ADAMTSL1: variants seen among roughly 807,000 people sequenced by gnomAD.
ADAMTSL1 encodes the protein ADAMTS like 1.
Under a neutral mutation model 201.8 loss-of-function variants are expected in ADAMTSL1, and 126 were observed. The observed-to-expected ratio is 0.62, with a 90% CI of 0.54 to 0.72. The LOEUF is 0.72. Ranked by LOEUF, ADAMTSL1 falls within the 30% of genes least tolerant of loss-of-function variation. The pLI is 0.00. For missense variants in ADAMTSL1, 2,679 were observed against 2,277.8 expected (o/e 1.18, Z -3.59); for synonymous variants, 1,121 against 903.4 (o/e 1.24, Z -4.32).
intron 20 of ADAMTSL1, among the ~76,000 whole-genome samples, chr9:18,798,093 A>AC (rs1822545123): frequency 7.5e-6 from 1 of 133,170 alleles, no homozygotes. Context: ...TAGGCCAAAG[A>AC]GGAAAAAAAA....
At chr9:17,921,576 T>C (rs1239753738) in intron 1 of ADAMTSL1, among the ~76,000 whole-genome samples, 1 of 152,200 alleles carries the variant, frequency 6.6e-6, no homozygotes, top group Non-Finnish European at 1.5e-5. Flanking sequence ...TTTTCTATCC[T>C]GATCCAGTTC....
intron 2 of ADAMTSL1, among the ~76,000 whole-genome samples, chr9:18,321,870 C>T (rs989181399): frequency 6.6e-6 from 1 of 152,050 alleles, no homozygotes; most frequent in Admixed American, 6.6e-5. Flanking sequence ...GAGTATTTAC[C>T]AATGCATCAT....
chr9:18,834,242 A>G (rs1392527816), intron 23 of ADAMTSL1, among the ~76,000 whole-genome samples: 1 of 152,184 alleles, frequency 6.6e-6, no homozygotes, highest in Admixed American at 6.5e-5. Context: ...TGATAGTTTA[A>G]TAGGAATAAC....
At chr9:18,801,129 C>A (rs1251156583) in intron 20 of ADAMTSL1, among the ~76,000 whole-genome samples, 1 of 152,116 alleles carries the variant, frequency 6.6e-6, no homozygotes, top group Non-Finnish European at 1.5e-5. Context: ...ATGCTGAAGG[C>A]GTGCCAACTA....
intron 4 of ADAMTSL1, among the ~76,000 whole-genome samples, chr9:18,586,371 A>T (rs753432981): frequency 1.3e-5 from 2 of 152,136 alleles, no homozygotes; most frequent in Non-Finnish European, 2.9e-5. Flanking sequence ...ATCTAAGAAT[A>T]CAGCTAATCA....
At chr9:18,512,167 T>C (rs956177774) in intron 2 of ADAMTSL1, among the ~76,000 whole-genome samples, 4 of 152,184 alleles carry the variant, frequency 2.6e-5, no homozygotes, top group South Asian at 4.2e-4. Flanking sequence ...TCCTTTTACT[T>C]TTTGGGTTAA....
intron 14 of ADAMTSL1, among the ~76,000 whole-genome samples, chr9:18,712,661 T>C (rs1221568157): frequency 3.3e-5 from 5 of 150,630 alleles, no homozygotes; most frequent in South Asian, 2.1e-4. Context: ...TGGAACCAAG[T>C]TGGAAAACAC....
chr9:18,823,461 G>C (rs1419481498), intron 21 of ADAMTSL1, among the ~76,000 whole-genome samples: 1 of 152,176 alleles, frequency 6.6e-6, no homozygotes, highest in African/African-American at 2.4e-5. Flanking sequence ...AATGGAAGAA[G>C]CTTGCAAGCC....
Position 18,573,887 on chromosome 9 carries a change from A to C in ADAMTSL1, c.238-143A>C, listed in dbSNP as rs1822511250. On this transcript the variant is annotated intron_variant, in intron 3 of 28. Coordinates refer to ENST00000380548, the MANE Select transcript of ADAMTSL1 (RefSeq NM_001040272.6). ...AAGCCAAATAATCATATAACCTCTAAGATGATATTATAAGTTCCATCTATC... is the reference window on the plus strand; with the variant it reads ...AAGCCAAATAATCATATAACCTCTACGATGATATTATAAGTTCCATCTATC... 2.0e-5 allele frequency: 13 copies of C among 649,398 alleles called. No homozygotes were observed. In the East Asian group the frequency reaches 3.3e-4, roughly 16 times the overall value. 40.2% of individuals were successfully genotyped at this position (649,398 alleles called of 1,614,324 possible).
At chr9:17,979,622 G>T (rs1211531366) in intron 1 of ADAMTSL1, among the ~76,000 whole-genome samples, 1 of 151,606 alleles carries the variant, frequency 6.6e-6, no homozygotes, top group Non-Finnish European at 1.5e-5. Context: ...GAATTCTTAG[G>T]AGCTTTTGTA....
chr9:18,227,390 A>G (rs1463082486), intron 2 of ADAMTSL1, among the ~76,000 whole-genome samples: 1 of 152,182 alleles, frequency 6.6e-6, no homozygotes, highest in African/African-American at 2.4e-5. Context: ...TTAGACTATC[A>G]TGTGATAATG....
intron 4 of ADAMTSL1, among the ~76,000 whole-genome samples, chr9:18,580,883 C>A (rs1823050204): frequency 6.6e-6 from 1 of 152,020 alleles, no homozygotes; most frequent in South Asian, 2.1e-4. Flanking sequence ...ACTATACTGC[C>A]CTCACTGTAA....
At chr9:18,284,178 G>A (rs916729511) in intron 2 of ADAMTSL1, among the ~76,000 whole-genome samples, 1 of 151,620 alleles carries the variant, frequency 6.6e-6, no homozygotes, top group Non-Finnish European at 1.5e-5. Context: ...GCAGTGAGCC[G>A]AGGTCACACC....
At position 18,817,133 on chromosome 9, in the gene ADAMTSL1, G is replaced by T. The variant is rs570893519; in HGVS notation, c.3830G>T (p.Arg1277Leu). ...GGAAAGCCACTAGTGAAAACGTCAC[G>T]AATGACAGTGATCAACACGGAGAAG... ...LAGKPLVKTS[R>L]MTVINTEKPA... The change falls in exon 21 of 29, where the codon CGA (arginine) becomes CTA (leucine). Residue 1277 changes from arginine to leucine, a missense_variant. Arg to Leu is a moderately radical substitution (Grantham distance 102). Coordinates refer to ENST00000380548, the MANE Select transcript of ADAMTSL1 (RefSeq NM_001040272.6). The T allele has an allele frequency of 6.2e-7, 1 of 1,606,034 alleles. No individual in the cohort carries two copies. Among genetic ancestry groups the T allele is most frequent in the Non-Finnish European group, 8.5e-7 (1 of 1,176,342 alleles).
At chr9:18,609,933 G>A (rs572404436) in intron 4 of ADAMTSL1, among the ~76,000 whole-genome samples, 21 of 152,264 alleles carry the variant, frequency 1.4e-4, no homozygotes, top group African/African-American at 4.8e-4. Flanking sequence ...AACTGAACTC[G>A]TACTGAGAGT....
intron 2 of ADAMTSL1, among the ~76,000 whole-genome samples, chr9:18,402,943 C>T (rs1818040996): frequency 6.6e-6 from 1 of 152,072 alleles, no homozygotes; most frequent in African/African-American, 2.4e-5. Context: ...TCATTTGATC[C>T]TCACAGAATC....
intron 1 of ADAMTSL1, among the ~76,000 whole-genome samples, chr9:18,153,811 A>AT (rs1459399013): frequency 1.3e-5 from 2 of 152,026 alleles, no homozygotes; most frequent in East Asian, 3.9e-4. Flanking sequence ...TGATACTAAA[A>AT]TTTTTCCAGC....
At chr9:18,109,573 A>G (rs1299767234) in intron 1 of ADAMTSL1, among the ~76,000 whole-genome samples, 2 of 152,186 alleles carry the variant, frequency 1.3e-5, no homozygotes, top group Non-Finnish European at 2.9e-5. Context: ...CATTTCTTTG[A>G]TATTCAAAGG....
At chr9:18,049,275 G>C (rs1162189330) in intron 1 of ADAMTSL1, among the ~76,000 whole-genome samples, 1 of 152,194 alleles carries the variant, frequency 6.6e-6, no homozygotes, top group African/African-American at 2.4e-5. Flanking sequence ...TCATTACATA[G>C]TTAAAATTAA....
Sources: gnomAD v4.1 joint callset for allele counts (sites outside exome capture counted in the v4.1 genomes callset) on GRCh38, gnomAD v4.1.1 for gene constraint, MANE v1.5 for transcripts, NCBI Gene and HGNC (gene_info 2026-07-23, HGNC 2026-07-21) for gene names.